The following SLC2A5 variants were observed in gnomAD, a reference collection of about 807,000 sequenced individuals.
The protein encoded by SLC2A5 is solute carrier family 2, facilitated glucose transporter member 5.
A neutral mutation model predicts 50.3 loss-of-function variants in SLC2A5; 56 were observed. The ratio of observed to expected loss-of-function variants is 1.11; its 90% confidence interval spans 0.90 to 1.39. The LOEUF is 1.39. SLC2A5 is among the 40% of genes most tolerant of loss of function. The pLI is 0.00. For missense variants in SLC2A5, 566 were observed against 650.1 expected (o/e 0.87, Z 1.41); for synonymous variants, 269 against 281.9 (o/e 0.95, Z 0.46).
chr1:9,062,898 T>C (rs1263092162), intron 1 of SLC2A5, among the ~76,000 whole-genome samples: 1 of 147,826 alleles, frequency 6.8e-6, no homozygotes. Flanking sequence ...AATAAATAAA[T>C]TACTCCAGCT....
In SLC2A5 at chr1:9,037,670, A is replaced by G. The variant is rs1641167107; in HGVS notation, c.1422T>C (p.Ile474=). ...CAGACACCTTATTCATCTTGGTGAA[A>G]ATCTGGTTGATCTCTATGAACGTCT... is the stretch of plus-strand genomic sequence containing the variant. ...KAKTFIEINQ[I]FTKMNKVSEV... is the part of the protein sequence containing the mutation. The change falls in exon 12 of 12, where the codon ATT becomes ATC. Residue 474 remains isoleucine (I), a synonymous_variant. Coordinates refer to ENST00000377424, the MANE Select transcript of SLC2A5 (RefSeq NM_003039.3). 1.9e-6 allele frequency: 3 copies of G among 1,614,002 alleles called. No individual in the cohort carries two copies. Among genetic ancestry groups the G allele is most frequent in the Non-Finnish European group, 2.5e-6 (3 of 1,180,036 alleles).
upstream of SLC2A5, among the ~76,000 whole-genome samples, chr1:9,091,582 C>A (rs1483623765): frequency 6.6e-6 from 1 of 151,626 alleles, no homozygotes; most frequent in African/African-American, 2.4e-5. Context: ...ACTCTCTCAA[C>A]CCTCTATCTC....
intron 11 of SLC2A5, 49 bp downstream of exon 11, chr1:9,037,848 G>A (rs1269697532): frequency 1.2e-6 from 2 of 1,613,838 alleles, no homozygotes; most frequent in Admixed American, 1.7e-5. Context: ...GGCTCGCACT[G>A]TACTGCATGG....
rs1333091120 is a variant in SLC2A5, at chr1:9,046,348, A to G, written c.418+1262T>C. 2.0e-5 allele frequency among the ~76,000 whole-genome samples: 3 copies of G among 152,300 alleles called. No individual in the cohort carries two copies. The South Asian group carries it at 6.2e-4, about 32-fold the overall frequency. ...CTCCTCAGTGTGAAGCAATTATGGG[A>G]GAGTTTTCTAAAATCACCACTGTAC... is the stretch of plus-strand genomic sequence containing the variant. On this transcript the variant is annotated intron_variant, in intron 4 of 11. Coordinates refer to ENST00000377424, the MANE Select transcript of SLC2A5 (RefSeq NM_003039.3).
At chr1:9,081,537 T>C (rs1642353758) in intron 2 of SLC2A5, among the ~76,000 whole-genome samples, 1 of 150,250 alleles carries the variant, frequency 6.7e-6, no homozygotes, top group African/African-American at 2.4e-5. Flanking sequence ...ATCGTATATC[T>C]TATAAGGGTC....
At chr1:9,054,209 A>T (rs1273572950) in intron 3 of SLC2A5, among the ~76,000 whole-genome samples, 1 of 152,182 alleles carries the variant, frequency 6.6e-6, no homozygotes, top group Non-Finnish European at 1.5e-5. Flanking sequence ...CTCAGAACTG[A>T]TGACAAAGAC....
intron 1 of SLC2A5, among the ~76,000 whole-genome samples, chr1:9,085,391 T>C (rs1023730829): frequency 6.6e-6 from 1 of 152,148 alleles, no homozygotes; most frequent in Admixed American, 6.5e-5. Context: ...AGGCTATAGG[T>C]AAATTTAGAC....
intron 1 of SLC2A5, among the ~76,000 whole-genome samples, chr1:9,065,053 C>CAAA (rs199947177): frequency 0.012 from 1,287 of 107,202 alleles, 23 homozygotes; most frequent in African/African-American, 0.035. Context: ...GATTCTGTCT[C>CAAA]AAAAAAAAAA....
chr1:9,050,335 G>A (rs1159555256), intron 3 of SLC2A5, among the ~76,000 whole-genome samples: 1 of 151,834 alleles, frequency 6.6e-6, no homozygotes, highest in African/African-American at 2.4e-5. Context: ...GTGCACTCCT[G>A]TAGTCCCAGC....
intron 1 of SLC2A5, among the ~76,000 whole-genome samples, chr1:9,066,217 C>T (rs978281608): frequency 6.6e-6 from 1 of 152,018 alleles, no homozygotes; most frequent in Non-Finnish European, 1.5e-5. Flanking sequence ...AGGTGGGGAA[C>T]TTTATTCAAC....
chr1:9,093,994 GC>G, the SLC2A5 span, among the ~76,000 whole-genome samples: 9 of 152,078 alleles, frequency 5.9e-5, no homozygotes, highest in Non-Finnish European at 1.0e-4. Flanking sequence ...AACACCTTAA[GC>G]CCCAAGGCCC....
intron 3 of SLC2A5, among the ~76,000 whole-genome samples, chr1:9,055,671 T>G (rs1214995183): frequency 6.6e-6 from 1 of 151,864 alleles, no homozygotes; most frequent in Non-Finnish European, 1.5e-5. Flanking sequence ...ATCTCAGCAC[T>G]TGGGGAGGCC....
intron 3 of SLC2A5, among the ~76,000 whole-genome samples, chr1:9,053,830 C>T (rs1039365389): frequency 4.0e-5 from 6 of 149,980 alleles, no homozygotes; most frequent in East Asian, 1.9e-4. Context: ...GCCAAGATTG[C>T]GCCATTGCAC....
upstream of SLC2A5, among the ~76,000 whole-genome samples, chr1:9,070,970 G>A (rs1642200872): frequency 6.6e-6 from 1 of 152,106 alleles, no homozygotes; most frequent in Admixed American, 6.6e-5. Context: ...TGTGACTAAC[G>A]CATAGCAAGA....
upstream of SLC2A5, among the ~76,000 whole-genome samples, chr1:9,090,662 T>A (rs146515021): frequency 3.9e-5 from 6 of 152,220 alleles, no homozygotes; most frequent in Non-Finnish European, 7.3e-5. Context: ...ATGCCTTTTT[T>A]ACTATCCCTC....
rs369582431 is a variant in SLC2A5 at position 9,041,923 on chromosome 1, C to T, written c.433G>A (p.Val145Met). 5.2e-5 allele frequency: 83 copies of T among 1,604,808 alleles called. No homozygotes were observed. The highest frequency in any genetic ancestry group is 3.0e-4 in the African/African-American group (22 of 74,486). ...AGCTCCCCTAAGTACATGGGGACCACGTTGGAAGATACACCTGGGAGGAGG... is the reference window on the plus strand; with the variant it reads ...AGCTCCCCTAAGTACATGGGGACCATGTTGGAAGATACACCTGGGAGGAGG... Reference protein sequence around the residue: ...VGICAGVSSNVVPMYLGELAP... With the variant: ...VGICAGVSSNMVPMYLGELAP... The change falls in exon 5 of 12, where the codon GTG (valine) becomes ATG (methionine). Residue 145 changes from valine (V) to methionine (M), a missense_variant. Physicochemically the swap from Val to Met is conservative, Grantham distance 21. Transcript: ENST00000377424.
intron 2 of SLC2A5, among the ~76,000 whole-genome samples, chr1:9,080,413 A>G (rs1412126290): frequency 2.0e-5 from 3 of 152,146 alleles, no homozygotes; most frequent in Non-Finnish European, 4.4e-5. Context: ...TAGCTACGCC[A>G]TTTTACGTTC....
rs1359528049 is a variant in SLC2A5, at chr1:9,087,803, AG to A, written c.-188+568del. Reference sequence around the variant, plus strand: ...GAATCCACCTCCAACTGCCCGCAACAGGTATTTCGCTCTCTAGCACTTGCTC... The same window carrying A: ...GAATCCACCTCCAACTGCCCGCAACAGTATTTCGCTCTCTAGCACTTGCTC... On this transcript the variant is annotated intron_variant, in intron 1 of 5. Coordinates refer to the SLC2A5 transcript ENST00000464985. 5.3e-5 allele frequency among the ~76,000 whole-genome samples: 8 copies of A among 152,172 alleles called. No individual in the cohort carries two copies. The East Asian group carries it at 9.7e-4, about 18-fold the overall frequency.
chr1:9,058,221 G>C lies in SLC2A5; in HGVS notation c.63C>G (p.Thr21=), dbSNP rs772802732. ...AGGATGACCCAAAGGCAGCTATCAG[G>C]GTTGCCAGGGCAAGCACAAGCGTCA... ...GRLTLVLALA[T]LIAAFGSSFQ... Residue 21 remains threonine (T), a synonymous_variant, in exon 2 of 12, where the codon ACC becomes ACG. Transcript: ENST00000377424. 1 of 1,613,960 alleles carries C rather than the reference G, an allele frequency of 6.2e-7. No homozygotes were observed. Among genetic ancestry groups the C allele is most frequent in the African/African-American group, 1.3e-5 (1 of 74,904 alleles).
Sources: allele counts gnomAD v4.1 joint callset (sites outside exome capture counted in the v4.1 genomes callset), GRCh38; gene constraint gnomAD v4.1.1; transcripts MANE v1.5; gene names NCBI Gene and HGNC (gene_info 2026-07-23, HGNC 2026-07-21).